Variants in TIMP2 observed in about 807,000 individuals in gnomAD.
TIMP2 encodes metalloproteinase inhibitor 2.
A neutral mutation model predicts 24.3 loss-of-function variants in TIMP2; 5 were observed. That is an observed-to-expected ratio of 0.21 (90% CI 0.11 to 0.43). The LOEUF is 0.43. Ranked by LOEUF, TIMP2 falls within the 20% of genes least tolerant of loss-of-function variation. The pLI is 1.00. For missense variants in TIMP2, 221 were observed against 297.5 expected (o/e 0.74, Z 1.89); for synonymous variants, 130 against 123.2 (o/e 1.06, Z -0.37).
Position 78,903,717 on chromosome 17 carries a change from TC to T in TIMP2, c.130+21241del, listed in dbSNP as rs546171404. Among the ~76,000 whole-genome samples the T allele has an allele frequency of 2.3e-4, 35 of 152,146 alleles. No homozygotes were observed. In the East Asian group the frequency reaches 6.8e-3, roughly 30 times the overall value. On this transcript the variant is annotated intron_variant, in intron 1 of 4. Coordinates refer to ENST00000262768, the MANE Select transcript of TIMP2 (RefSeq NM_003255.5). ...TACTTGGCCTCGTTTGAGGGCTAGT[TC>T]CCCACAGACAGTTTGATCAGAAGGA...
At chr17:78,862,138 C>T (rs2069572008) in intron 3 of TIMP2, among the ~76,000 whole-genome samples, 1 of 152,192 alleles carries the variant, frequency 6.6e-6, no homozygotes, top group South Asian at 2.1e-4. Flanking sequence ...ACAGGGCCAA[C>T]TCTGTATGAG....
chr17:78,867,031 C>T (rs975609439), intron 3 of TIMP2, among the ~76,000 whole-genome samples: 1 of 152,158 alleles, frequency 6.6e-6, no homozygotes, highest in Non-Finnish European at 1.5e-5. Context: ...AAGGCCTAGG[C>T]GGGCAGATCA....
chr17:78,893,201 ATGTGTGTGCATGTGTGTGCAGGGG>A (rs2069933985), intron 1 of TIMP2, among the ~76,000 whole-genome samples: 2 of 49,930 alleles, frequency 4.0e-5, no homozygotes, highest in South Asian at 7.6e-4. Flanking sequence ...GTGTGCAAGG[ATGTGTGTGCATGTGTGTGCAGGGG>A]TGTGTGTGCA....
intron 1 of TIMP2, among the ~76,000 whole-genome samples, chr17:78,916,692 C>T (rs373797166): frequency 4.6e-5 from 7 of 152,182 alleles, no homozygotes; most frequent in African/African-American, 1.4e-4. Flanking sequence ...CTGTCTGCCC[C>T]CTCTCCCCCA....
At chr17:78,880,627 T>C (rs2069771254) in intron 1 of TIMP2, among the ~76,000 whole-genome samples, 1 of 152,182 alleles carries the variant, frequency 6.6e-6, no homozygotes, top group South Asian at 2.1e-4. Flanking sequence ...ATGAACTAGA[T>C]GTTCAAGGCT....
At chr17:78,880,542 C>A (rs200882435) in intron 1 of TIMP2, among the ~76,000 whole-genome samples, 1 of 137,380 alleles carries the variant, frequency 7.3e-6, no homozygotes, top group Non-Finnish European at 1.6e-5. Flanking sequence ...ATACAAAAAA[C>A]AAAAACAAAA....
intron 2 of TIMP2, among the ~76,000 whole-genome samples, chr17:78,871,624 A>G (rs916769910): frequency 2.0e-5 from 3 of 151,954 alleles, no homozygotes; most frequent in Non-Finnish European, 2.9e-5. Context: ...AGGCAGGCAG[A>G]TCACGAGGTC....
rs377400119 is a variant in TIMP2 at position 78,870,370 on chromosome 17, C to T, written c.340+528G>A. On this transcript the variant is annotated intron_variant, in intron 3 of 4. Transcript: ENST00000262768. ...GGTGGAGGTTGCAGTAAGCCAAGAT[C>T]GCACCACTGCACTCCAGCCTGGGCG... Among the ~76,000 whole-genome samples, 43 of 147,520 alleles carry T rather than the reference C, an allele frequency of 2.9e-4. No individual in the cohort carries two copies. In the East Asian group the frequency reaches 5.0e-3, roughly 17 times the overall value.
intron 3 of TIMP2, among the ~76,000 whole-genome samples, chr17:78,858,652 C>T (rs756902066): frequency 6.6e-6 from 1 of 152,084 alleles, no homozygotes; most frequent in Non-Finnish European, 1.5e-5. Flanking sequence ...TCCTGAATAG[C>T]TGGGACTATA....
intron 1 of TIMP2, among the ~76,000 whole-genome samples, chr17:78,909,713 G>A (rs988449180): frequency 1.3e-5 from 2 of 152,108 alleles, no homozygotes; most frequent in Admixed American, 6.6e-5. Flanking sequence ...TTCTGTACAT[G>A]CTCTAGACGT....
chr17:78,864,848 T>A (rs571077867), intron 3 of TIMP2, among the ~76,000 whole-genome samples: 1 of 152,050 alleles, frequency 6.6e-6, no homozygotes, highest in South Asian at 2.1e-4. Context: ...GGTCAGGAGT[T>A]CAAGACCAGC....
intron 1 of TIMP2, among the ~76,000 whole-genome samples, chr17:78,875,966 G>C (rs1459334015): frequency 6.6e-6 from 1 of 152,134 alleles, no homozygotes; most frequent in Admixed American, 6.6e-5. Context: ...GTCATGACTG[G>C]CCAAGGCCAC....
At chr17:78,863,004 T>C (rs887958872) in intron 3 of TIMP2, among the ~76,000 whole-genome samples, 2 of 152,338 alleles carry the variant, frequency 1.3e-5, no homozygotes, top group Non-Finnish European at 2.9e-5. Context: ...CTATTGCAGA[T>C]AGTGCGGTAA....
chr17:78,876,896 T>A (rs1329870766), intron 1 of TIMP2, among the ~76,000 whole-genome samples: 1 of 102,430 alleles, frequency 9.8e-6, no homozygotes, highest in East Asian at 2.3e-4. Context: ...TCTTCATTCT[T>A]CAAGACCCAG....
At chr17:78,889,243 G>A (rs2069856870) in intron 1 of TIMP2, among the ~76,000 whole-genome samples, 2 of 152,222 alleles carry the variant, frequency 1.3e-5, no homozygotes, top group South Asian at 4.1e-4. Context: ...GCAATTGGCA[G>A]AAGAGAAGCT....
intron 1 of TIMP2, among the ~76,000 whole-genome samples, chr17:78,923,536 C>T (rs2070325684): frequency 6.6e-6 from 1 of 152,192 alleles, no homozygotes; most frequent in Admixed American, 6.5e-5. Context: ...GGAGCCTGGA[C>T]AGGCCTGCAC....
Position 78,897,174 on chromosome 17 carries a change from G to A in TIMP2, c.131-23255C>T, listed in dbSNP as rs3744789. On this transcript the variant is annotated intron_variant, in intron 1 of 4. Coordinates refer to ENST00000262768, the MANE Select transcript of TIMP2 (RefSeq NM_003255.5). ...GCTGTGCACTCCTGTGGCATCGGGGGGCGGGGGGCAAGCATCACAGTCATA... is the reference window on the plus strand; with the variant it reads ...GCTGTGCACTCCTGTGGCATCGGGGAGCGGGGGGCAAGCATCACAGTCATA... The A allele has an allele frequency of 1.7e-3, 316 of 189,988 alleles. 8 individuals carry two copies. In the East Asian group the frequency reaches 0.053, roughly 32 times the overall value. 11.8% of individuals were successfully genotyped at this position (189,988 alleles called of 1,614,324 possible). A position where few individuals can be genotyped will look rare whatever the true frequency, so the allele number is the denominator to read the frequency against.
chr17:78,859,302 A>G (rs1248091798), intron 3 of TIMP2, among the ~76,000 whole-genome samples: 1 of 152,168 alleles, frequency 6.6e-6, no homozygotes, highest in Non-Finnish European at 1.5e-5. Flanking sequence ...CAGGAGGAAA[A>G]GAACAAAGCA....
At chr17:78,875,854 A>G (rs2069723111) in intron 1 of TIMP2, among the ~76,000 whole-genome samples, 1 of 152,112 alleles carries the variant, frequency 6.6e-6, no homozygotes, top group Non-Finnish European at 1.5e-5. Context: ...GGCCCCACCA[A>G]TGCTCTCTGG....
Sources: gnomAD v4.1 joint callset for allele counts (sites outside exome capture counted in the v4.1 genomes callset) on GRCh38, gnomAD v4.1.1 for gene constraint, MANE v1.5 for transcripts, NCBI Gene and HGNC (gene_info 2026-07-23, HGNC 2026-07-21) for gene names.